The following CCDC7 variants were observed in gnomAD, a reference collection of about 807,000 sequenced individuals.
The protein encoded by CCDC7 is coiled-coil domain containing 7.
In CCDC7, 183 loss-of-function variants were observed where a neutral mutation model predicts 196.9. The observed-to-expected ratio is 0.93, with a 90% CI of 0.82 to 1.05. CCDC7 has a LOEUF of 1.05. CCDC7 is among the 50% of genes least tolerant of loss of function. The pLI is 0.00. For missense variants in CCDC7, 1,540 were observed against 1,482.2 expected, an observed-to-expected ratio of 1.04 and a Z score of -0.64; for synonymous variants, 525 against 484.6, an observed-to-expected ratio of 1.08 and a Z score of -1.10.
intron 9 of CCDC7, among the ~76,000 whole-genome samples, chr10:32,516,473 A>T (rs1348555507): frequency 6.6e-6 from 1 of 152,046 alleles, no homozygotes; most frequent in Non-Finnish European, 1.5e-5. Flanking sequence ...TTTTTCGTAG[A>T]GATGGGGTTT....
At chr10:32,634,639 C>A (rs1044691268) in intron 19 of CCDC7, among the ~76,000 whole-genome samples, 4 of 152,148 alleles carry the variant, frequency 2.6e-5, no homozygotes, top group African/African-American at 9.7e-5. Flanking sequence ...TCGTGATCCA[C>A]CCACCTTGGC....
chr10:32,618,638 T>C (rs1206696475), intron 18 of CCDC7, among the ~76,000 whole-genome samples: 1 of 152,098 alleles, frequency 6.6e-6, no homozygotes, highest in African/African-American at 2.4e-5. Flanking sequence ...CATCTTATTC[T>C]CTTCTGGCCC....
chr10:32,716,417 A>G (rs1423775745), intron 25 of CCDC7, among the ~76,000 whole-genome samples: 1 of 152,250 alleles, frequency 6.6e-6, no homozygotes, highest in Non-Finnish European at 1.5e-5. Context: ...ATGGAAAGGA[A>G]AAACTGGTAG....
intron 11 of CCDC7, among the ~76,000 whole-genome samples, chr10:32,542,489 C>T (rs1301003918): frequency 3.3e-5 from 5 of 151,800 alleles, no homozygotes; most frequent in African/African-American, 9.7e-5. Context: ...AAAAATTAGC[C>T]GGGCGTGGTG....
At chr10:32,605,458 G>C (rs545720430) in intron 18 of CCDC7, among the ~76,000 whole-genome samples, 6 of 152,288 alleles carry the variant, frequency 3.9e-5, no homozygotes, top group Admixed American at 2.6e-4. Context: ...AAGAACAAGA[G>C]GATGAGGGAG....
At chr10:32,472,497 C>A in exon 7 of CCDC7, 1 of 1,585,274 alleles carries the variant, frequency 6.3e-7, no homozygotes, top group South Asian at 1.2e-5. Context: ...AGAAAATCGA[C>A]CAGAAGCAGT....
chr10:32,736,065 C>T (rs73261271), intron 28 of CCDC7, among the ~76,000 whole-genome samples: 1,931 of 152,178 alleles, frequency 0.013, 48 homozygotes, highest in African/African-American at 0.045. Context: ...TTCTGTAGGG[C>T]TACAGGAATT....
intron 28 of CCDC7, among the ~76,000 whole-genome samples, chr10:32,747,364 G>C (rs1231217485): frequency 6.6e-6 from 1 of 152,146 alleles, no homozygotes; most frequent in Admixed American, 6.5e-5. Flanking sequence ...AAATTGACAA[G>C]TGGAATCTAA....
intron 18 of CCDC7, among the ~76,000 whole-genome samples, chr10:32,612,796 G>A (rs2062319468): frequency 6.6e-6 from 1 of 152,030 alleles, no homozygotes; most frequent in Non-Finnish European, 1.5e-5. Context: ...GCTTTTTAAT[G>A]TGCTGCTGGA....
intron 39 of CCDC7, among the ~76,000 whole-genome samples, 199 bp from the exon 41 acceptor site, chr10:32,851,608 A>G (rs542645728): frequency 6.6e-6 from 1 of 152,152 alleles, no homozygotes; most frequent in South Asian, 2.1e-4. Flanking sequence ...TTTATTTTCT[A>G]TCTGGATGAC....
At chr10:32,621,579 C>A (rs2947064) in intron 18 of CCDC7, among the ~76,000 whole-genome samples, 66,595 of 151,886 alleles carry the variant, frequency 0.44, 15,393 homozygotes, top group East Asian at 0.58. Context: ...TGGGAAAGGC[C>A]ATAGTGTAAT....
intron 25 of CCDC7, among the ~76,000 whole-genome samples, chr10:32,716,077 G>A (rs1182939346): frequency 6.6e-6 from 1 of 152,068 alleles, no homozygotes; most frequent in South Asian, 2.1e-4. Flanking sequence ...TCCCCGAGTA[G>A]AGCAACCCCA....
intron 21 of CCDC7, among the ~76,000 whole-genome samples, chr10:32,678,370 A>G (rs1457333962): frequency 6.6e-6 from 1 of 152,116 alleles, no homozygotes; most frequent in Non-Finnish European, 1.5e-5. Context: ...GCATCTTTAC[A>G]TGCTAGCTTT....
intron 9 of CCDC7, among the ~76,000 whole-genome samples, chr10:32,499,999 TTC>T (rs1170140770): frequency 1.3e-5 from 2 of 152,222 alleles, no homozygotes; most frequent in African/African-American, 4.8e-5. Flanking sequence ...CTATGTCTAC[TTC>T]TTTCTACACA....
intron 29 of CCDC7, among the ~76,000 whole-genome samples, chr10:32,801,770 C>T (rs1236338561): frequency 6.6e-6 from 1 of 152,168 alleles, no homozygotes; most frequent in Non-Finnish European, 1.5e-5. Context: ...TTACCTCAGG[C>T]AGTGCAGGGT....
At chr10:32,460,825 A>G (rs1469260103) in intron 3 of CCDC7, among the ~76,000 whole-genome samples, 1 of 152,172 alleles carries the variant, frequency 6.6e-6, no homozygotes, top group East Asian at 1.9e-4. Flanking sequence ...TCCCACTTCT[A>G]GAATTTCTGA....
chr10:32,738,133 T>G (rs759208602), intron 28 of CCDC7, among the ~76,000 whole-genome samples: 8 of 152,170 alleles, frequency 5.3e-5, no homozygotes, highest in Non-Finnish European at 1.2e-4. Context: ...CTTCTCTGGC[T>G]TTAATTACAT....
intron 32 of CCDC7, among the ~76,000 whole-genome samples, chr10:32,834,125 G>A (rs967586256): frequency 6.6e-6 from 1 of 152,092 alleles, no homozygotes; most frequent in Non-Finnish European, 1.5e-5. Flanking sequence ...CAAACTCAGT[G>A]CTGATAGGAA....
chr10:32,708,155 A>C (rs928359078), intron 24 of CCDC7, among the ~76,000 whole-genome samples: 15 of 151,098 alleles, frequency 9.9e-5, no homozygotes, highest in Admixed American at 9.9e-4. Context: ...TAGAGCCCTC[A>C]GAAATAATAC....
Sources: allele counts gnomAD v4.1 joint callset (sites outside exome capture counted in the v4.1 genomes callset), GRCh38; gene constraint gnomAD v4.1.1; transcripts MANE v1.5; gene names NCBI Gene and HGNC (gene_info 2026-07-23, HGNC 2026-07-21).